The following SEMA6D variants were observed in gnomAD, a reference collection of about 807,000 sequenced individuals.
SEMA6D encodes the protein semaphorin 6D.
A neutral mutation model predicts 106.6 loss-of-function variants in SEMA6D; 35 were observed. The observed-to-expected ratio is 0.33, with a 90% CI of 0.25 to 0.44. The LOEUF (loss-of-function observed/expected upper bound fraction) is 0.44, where lower values mean the gene tolerates loss of function less well. Among genes scored for constraint, SEMA6D ranks in the 20% least tolerant of loss-of-function variants. The probability of loss-of-function intolerance (pLI) is 1.00; values close to 1 mark genes in which losing one functional copy is unlikely to be tolerated. For missense variants in SEMA6D, 1,185 were observed against 1,345.9 expected (o/e 0.88, Z 1.87); for synonymous variants, 499 against 487.7 (o/e 1.02, Z -0.31).
At chr15:47,586,594 C>G (rs2076344526) in intron 3 of SEMA6D, among the ~76,000 whole-genome samples, 1 of 152,192 alleles carries the variant, frequency 6.6e-6, no homozygotes, top group Admixed American at 6.5e-5. Context: ...CAAATGGTCT[C>G]ATATCCTATC....
chr15:47,722,143 A>G (rs1445763752), intron 1 of SEMA6D, among the ~76,000 whole-genome samples: 1 of 152,144 alleles, frequency 6.6e-6, no homozygotes, highest in East Asian at 1.9e-4. Flanking sequence ...TGTTCCATTT[A>G]AAAGGAGGCT....
intron 1 of SEMA6D, among the ~76,000 whole-genome samples, chr15:47,257,639 A>G (rs562243586): frequency 1.3e-5 from 2 of 152,036 alleles, no homozygotes; most frequent in Admixed American, 1.3e-4. Context: ...GGGGAACACA[A>G]TTTGTATGAT....
At position 47,469,328 on chromosome 15, in the gene SEMA6D, G is replaced by A. The variant is rs1035874982; in HGVS notation, c.-158-1146G>A. Among the ~76,000 whole-genome samples, 17 of 148,284 alleles carry A rather than the reference G, an allele frequency of 1.1e-4. 1 individual carries two copies. The South Asian group carries it at 3.6e-3, about 32-fold the overall frequency. ...TGTGTGTGTGTGTGTGTGTGTGTAT[G>A]TGCACGCATGTGCGTGTGTGTGTGT... On this transcript the variant is annotated intron_variant, in intron 2 of 19. Transcript: ENST00000558014.
At chr15:47,698,045 T>C (rs1451690340) in intron 4 of SEMA6D, among the ~76,000 whole-genome samples, 1 of 152,230 alleles carries the variant, frequency 6.6e-6, no homozygotes, top group Non-Finnish European at 1.5e-5. Context: ...TTTTTTATTC[T>C]ATCAGAAGTC....
chr15:47,277,065 C>T (rs2034851028), intron 1 of SEMA6D, among the ~76,000 whole-genome samples: 1 of 152,056 alleles, frequency 6.6e-6, no homozygotes, highest in Non-Finnish European at 1.5e-5. Context: ...TATTAATAGA[C>T]ATGAAGCCTG....
chr15:47,293,992 C>T (rs1229426868), intron 1 of SEMA6D, among the ~76,000 whole-genome samples: 2 of 152,116 alleles, frequency 1.3e-5, no homozygotes, highest in East Asian at 1.9e-4. Flanking sequence ...GCAGTGCTTG[C>T]CGGCCAAATG....
chr15:47,277,798 T>G (rs1391549290), intron 1 of SEMA6D, among the ~76,000 whole-genome samples: 1 of 150,754 alleles, frequency 6.6e-6, no homozygotes, highest in African/African-American at 2.4e-5. Flanking sequence ...GAGTGTGATG[T>G]TCCCCTTCCT....
At chr15:47,539,264 A>G (rs1305245365) in intron 3 of SEMA6D, among the ~76,000 whole-genome samples, 1 of 152,220 alleles carries the variant, frequency 6.6e-6, no homozygotes, top group Non-Finnish European at 1.5e-5. Context: ...TTGCTAGCTA[A>G]CATATCCTGG....
intron 1 of SEMA6D, among the ~76,000 whole-genome samples, chr15:47,230,914 G>C (rs2032144843): frequency 6.6e-6 from 1 of 151,992 alleles, no homozygotes. Context: ...CTGCTGAAAT[G>C]AACTTGATAC....
At chr15:47,401,059 G>GT (rs1257350040) in intron 1 of SEMA6D, among the ~76,000 whole-genome samples, 1 of 152,148 alleles carries the variant, frequency 6.6e-6, no homozygotes, top group Non-Finnish European at 1.5e-5. Context: ...GCTAGTAATG[G>GT]TAGCCTACCT....
rs1322599492 is a variant in SEMA6D, at chr15:47,771,226, A to C, written c.2663A>C (p.Asp888Ala). 3.1e-6 allele frequency: 5 copies of C among 1,613,816 alleles called. No homozygotes were observed. Among genetic ancestry groups the C allele is most frequent in the African/African-American group, 1.3e-5 (1 of 74,856 alleles). The change falls in exon 19 of 19, where the codon GAC (aspartate) becomes GCC (alanine). Residue 888 changes from aspartate to alanine, a missense_variant. Around this residue, in one of 3 missense-constraint regions of SEMA6D, gnomAD observed 750 missense variants for 783.5 expected, o/e 0.96. Coordinates refer to ENST00000536845, the MANE Select transcript of SEMA6D (RefSeq NM_001358351.3). ...TLNDLLKHLN[D>A]PNSNPKAIMG... is the part of the protein sequence containing the mutation. ...AATGATCTCCTGAAGCATCTGAATG[A>C]CCCAAATAGTAACCCCAAAGCCATC...
intron 3 of SEMA6D, 44 bp downstream of exon 3, chr15:47,760,459 C>A: frequency 6.9e-7 from 1 of 1,445,738 alleles, no homozygotes; most frequent in Non-Finnish European, 9.7e-7. Flanking sequence ...ATTCTTTTCT[C>A]TTGTGGTGCT....
chr15:47,664,604 C>G (rs2077989753), intron 4 of SEMA6D, among the ~76,000 whole-genome samples: 1 of 152,182 alleles, frequency 6.6e-6, no homozygotes, highest in Non-Finnish European at 1.5e-5. Flanking sequence ...TTGAGCATCC[C>G]CATGAGGGGA....
At chr15:47,475,125 A>T (rs1265413714) in intron 3 of SEMA6D, among the ~76,000 whole-genome samples, 1 of 152,200 alleles carries the variant, frequency 6.6e-6, no homozygotes, top group Non-Finnish European at 1.5e-5. Flanking sequence ...CTGACCTGAC[A>T]AGTGCCAAGC....
intron 1 of SEMA6D, among the ~76,000 whole-genome samples, chr15:47,746,034 A>G (rs891576495): frequency 6.6e-6 from 1 of 152,192 alleles, no homozygotes; most frequent in African/African-American, 2.4e-5. Context: ...ATCTTTCTCT[A>G]CGTTTGTTAG....
intron 4 of SEMA6D, among the ~76,000 whole-genome samples, chr15:47,621,961 C>T (rs189417398): frequency 1.3e-5 from 2 of 152,128 alleles, no homozygotes; most frequent in African/African-American, 4.8e-5. Flanking sequence ...GCTATGAAAG[C>T]TAGTGGTTGC....
chr15:47,524,255 A>G (rs1438605582), intron 3 of SEMA6D, among the ~76,000 whole-genome samples: 3 of 152,146 alleles, frequency 2.0e-5, no homozygotes, highest in African/African-American at 7.2e-5. Flanking sequence ...ATTTTATTCC[A>G]TCCTGAATTA....
At chr15:47,325,794 T>C (rs2037108781) in intron 1 of SEMA6D, among the ~76,000 whole-genome samples, 1 of 152,208 alleles carries the variant, frequency 6.6e-6, no homozygotes, top group Non-Finnish European at 1.5e-5. Context: ...AATTTACATA[T>C]TGATATTTCA....
chr15:47,440,405 T>A (rs1047167978), intron 2 of SEMA6D, among the ~76,000 whole-genome samples: 1 of 152,020 alleles, frequency 6.6e-6, no homozygotes, highest in Non-Finnish European at 1.5e-5. Context: ...GCAAGAAATC[T>A]GTGTGACAAA....
Sources: gnomAD v4.1 joint callset for allele counts (sites outside exome capture counted in the v4.1 genomes callset) on GRCh38, gnomAD v4.1.1 for gene constraint, gnomAD v4.1.1 regional missense constraint, MANE v1.5 for transcripts, NCBI Gene and HGNC (gene_info 2026-07-23, HGNC 2026-07-21) for gene names.